NME6: variants seen among roughly 807,000 people sequenced by gnomAD.
NME6 encodes the protein NME/NM23 nucleoside diphosphate kinase 6, also known as nucleoside diphosphate kinase 6, mitochondrial.
Under a neutral mutation model 22.2 loss-of-function variants are expected in NME6, and 16 were observed. That is an observed-to-expected ratio of 0.72 (90% CI 0.49 to 1.09). The LOEUF (loss-of-function observed/expected upper bound fraction) is 1.09, where lower values mean the gene tolerates loss of function less well. NME6 is among the 50% of genes least tolerant of loss of function. The probability of loss-of-function intolerance (pLI) is 0.00; values close to 1 mark genes in which losing one functional copy is unlikely to be tolerated. For missense variants in NME6, 229 were observed against 239.0 expected (o/e 0.96, Z 0.28); for synonymous variants, 58 against 85.2 (o/e 0.68, Z 1.76).
At position 48,294,824 on chromosome 3, in the gene NME6, G is replaced by A. The variant is rs1175959451; in HGVS notation, c.395-21C>T. 3.7e-6 allele frequency: 6 copies of A among 1,608,810 alleles called. No individual in the cohort carries two copies. The African/African-American group carries it at 4.0e-5, about 11-fold the overall frequency. ...AGAGTCTGTAAGGGGAGATAAGACA[G>A]AGAAGGGGTTCTCACATGGTAGAAG... On this transcript the variant is annotated intron_variant, in intron 5 of 5. Transcript: ENST00000442597.
chr3:48,299,317 A>C (rs1313884940), intron 1 of NME6: 2 of 216,796 alleles, frequency 9.2e-6, no homozygotes, highest in East Asian at 9.5e-5. Context: ...GAAATGATAT[A>C]ATGGACATAA....
downstream of NME6, chr3:48,287,725 T>G (rs1482535273): frequency 6.6e-6 from 1 of 152,254 alleles, no homozygotes; most frequent in East Asian, 1.9e-4. Flanking sequence ...GACAGGATCT[T>G]CTGCACAGAT....
chr3:48,290,217 TTTTTA>T (rs1442719057), downstream of NME6, among the ~76,000 whole-genome samples: 2 of 151,768 alleles, frequency 1.3e-5, no homozygotes, highest in African/African-American at 4.8e-5. Flanking sequence ...TGTGCCACCA[TTTTTA>T]TTTTATTTTA....
In NME6 at chr3:48,293,704, T is replaced by C. The variant is rs1397482163; in HGVS notation, c.*933A>G. On this transcript the variant is annotated 3_prime_UTR_variant, in exon 6 of 6. Coordinates refer to ENST00000442597, the MANE Select transcript of NME6 (RefSeq NM_001308426.2). ...GCACTTCTCCATCTCTGCCACGTTA[T>C]AGCTGGCTGACCACCCAAATTCATA... is the stretch of plus-strand genomic sequence containing the variant. The C allele has an allele frequency of 6.6e-6, 1 of 152,276 alleles. No individual in the cohort carries two copies. Among genetic ancestry groups the C allele is most frequent in the Admixed American group, 6.5e-5 (1 of 15,284 alleles). 9.4% of individuals were successfully genotyped at this position (152,276 alleles called of 1,614,324 possible). A position where few individuals can be genotyped will look rare whatever the true frequency, so the allele number is the denominator to read the frequency against.
chr3:48,300,492 G>T, intron 1 of NME6: 1 of 379,424 alleles, frequency 2.6e-6, no homozygotes, highest in African/African-American at 2.1e-5. Flanking sequence ...GTTCCCTTCA[G>T]TTCCGTCTTC....
At position 48,298,606 on chromosome 3, in the gene NME6, CCAA is replaced by C. The variant is rs896291027; in HGVS notation, c.-7-86_-7-84del. On this transcript the variant is annotated intron_variant, in intron 1 of 5. Coordinates refer to ENST00000442597, the MANE Select transcript of NME6 (RefSeq NM_001308426.2). ...CATTGGAGCCACGCAGCCTTGCAAG[CCAA>C]CGAGTGCTCTCACTCCTGACACTCA... is the stretch of plus-strand genomic sequence containing the variant. 18 of 908,088 alleles carry C rather than the reference CCAA, an allele frequency of 2.0e-5. No homozygotes were observed. In the African/African-American group the frequency reaches 2.7e-4, roughly 13 times the overall value. 56.3% of individuals were successfully genotyped at this position (908,088 alleles called of 1,614,324 possible).
chr3:48,292,638 C>T lies in NME6; in HGVS notation c.*1999G>A, dbSNP rs2034619449. On this transcript the variant is annotated 3_prime_UTR_variant, in exon 6 of 6. Coordinates refer to ENST00000442597, the MANE Select transcript of NME6 (RefSeq NM_001308426.2). ...TGATCTTGGCTCACCACAACCTCCG[C>T]CTCCTGGGTTCAAGCGATTCTCCTG... 6.6e-6 allele frequency: 1 copy of T among 152,304 alleles called. No homozygotes were observed. Among genetic ancestry groups the T allele is most frequent in the Non-Finnish European group, 1.5e-5 (1 of 68,136 alleles). The allele number at this position is 152,304 out of a possible 1,614,324, so 9.4% of individuals were successfully genotyped here. A position where few individuals can be genotyped will look rare whatever the true frequency, so the allele number is the denominator to read the frequency against.
At position 48,294,575 on chromosome 3, in the gene NME6, A is replaced by C; in HGVS notation, c.*62T>G. Reference sequence around the variant, plus strand: ...GCCAGGCTTCCCTGGTCCTAGGAGAATGTTTTAGACTAGATGTCTAGGAGA... The same window carrying C: ...GCCAGGCTTCCCTGGTCCTAGGAGACTGTTTTAGACTAGATGTCTAGGAGA... On this transcript the variant is annotated 3_prime_UTR_variant, in exon 6 of 6. Transcript: ENST00000442597. 1 of 1,561,948 alleles carries C rather than the reference A, an allele frequency of 6.4e-7. No homozygotes were observed. The highest frequency in any genetic ancestry group is 8.8e-7 in the Non-Finnish European group (1 of 1,140,240).
intron 1 of NME6, chr3:48,298,919 T>C (rs2035416575): frequency 1.4e-6 from 1 of 702,456 alleles, no homozygotes; most frequent in African/African-American, 1.7e-5. Context: ...CTATTCATAA[T>C]GATGAATTCA....
In NME6 at chr3:48,299,024, A is replaced by C. The variant is rs773463501; in HGVS notation, c.-7-501T>G. ...CTGAGGTGCTACCAGGATACCAAAA[A>C]GTCTGCTGGATAAACACCATCTCTA... On this transcript the variant is annotated intron_variant, in intron 1 of 5. Transcript: ENST00000442597. 1.1e-5 allele frequency: 8 copies of C among 702,550 alleles called. No individual in the cohort carries two copies. In the South Asian group the frequency reaches 1.2e-4, roughly 10 times the overall value. 43.5% of individuals were successfully genotyped at this position (702,550 alleles called of 1,614,324 possible). A position where few individuals can be genotyped will look rare whatever the true frequency, so the allele number is the denominator to read the frequency against.
chr3:48,299,294 G>C, intron 1 of NME6: 1 of 263,404 alleles, frequency 3.8e-6, no homozygotes, highest in Non-Finnish European at 7.1e-6. Context: ...TGGTGTAAGA[G>C]CTCAATATTG....
At chr3:48,291,310 G>T, downstream of NME6, 1 of 464,764 alleles carries the variant, frequency 2.2e-6, no homozygotes, top group East Asian at 6.7e-5. Flanking sequence ...CTTTAAGCCT[G>T]TGATATCAGA....
At chr3:48,291,535 C>T (rs901321259), downstream of NME6, 1 of 178,724 alleles carries the variant, frequency 5.6e-6, no homozygotes, top group African/African-American at 2.4e-5. Context: ...TGCACCACCA[C>T]ACCCAGCTAA....
chr3:48,289,226 A>C (rs1575302834), downstream of NME6, among the ~76,000 whole-genome samples: 1 of 151,774 alleles, frequency 6.6e-6, no homozygotes, highest in Non-Finnish European at 1.5e-5. Context: ...CACCATGCCC[A>C]GTTAATTTTG....
Position 48,296,754 on chromosome 3 carries a change from A to C in NME6, c.166T>G (p.Cys56Gly), listed in dbSNP as rs1242031749. The change falls in exon 3 of 6, where the codon TGC (cysteine) becomes GGC (glycine). Residue 56 changes from cysteine (C) to glycine (G), a missense_variant. Physicochemically the swap from Cys to Gly is radical, Grantham distance 159 (BLOSUM62 -3). Coordinates refer to ENST00000442597, the MANE Select transcript of NME6 (RefSeq NM_001308426.2). Reference protein sequence around the residue: ...MRELLWRKEDCQRFYREHEGR... With the variant: ...MRELLWRKEDGQRFYREHEGR... ...TCATGCTCTCGGTAAAACCTCTGGC[A>C]ATCTTCCTTTCTCCACAGTAGTTCT... The C allele has an allele frequency of 6.2e-7, 1 of 1,613,660 alleles. No homozygotes were observed. The highest frequency in any genetic ancestry group is 1.3e-5 in the African/African-American group (1 of 75,004).
intron 1 of NME6, among the ~76,000 whole-genome samples, 179 bp from the exon 2 acceptor site, chr3:48,298,702 A>C (rs2035388754): frequency 6.6e-6 from 1 of 152,180 alleles, no homozygotes; most frequent in African/African-American, 2.4e-5. Flanking sequence ...GGCTCATGGG[A>C]TCAAGGGAGG....
At chr3:48,291,972 A>G (rs113852790), downstream of NME6, 661 of 152,372 alleles carry the variant, frequency 4.3e-3, 2 homozygotes, top group South Asian at 7.7e-3. Flanking sequence ...TCACCGTGTT[A>G]GCCAGGATGG....
chr3:48,299,697 C>A (rs995674801), intron 1 of NME6, among the ~76,000 whole-genome samples: 1 of 152,042 alleles, frequency 6.6e-6, no homozygotes. Flanking sequence ...TTATCTTATC[C>A]TAAAAACTGT....
In NME6 at chr3:48,292,878, T is replaced by A. The variant is rs1024020155; in HGVS notation, c.*1759A>T. 2 of 152,254 alleles carry A rather than the reference T, an allele frequency of 1.3e-5. No individual in the cohort carries two copies. The highest frequency in any genetic ancestry group is 2.9e-5 in the Non-Finnish European group (2 of 68,078). The allele number at this position is 152,254 out of a possible 1,614,324, so 9.4% of individuals were successfully genotyped here. ...AAGGATTTTTGTACAGCAAATGGCC[T>A]TAGAAGACAGAGATAGTATCTCCCT... On this transcript the variant is annotated 3_prime_UTR_variant, in exon 6 of 6. Coordinates refer to ENST00000442597, the MANE Select transcript of NME6 (RefSeq NM_001308426.2).
Sources: allele counts gnomAD v4.1 joint callset (sites outside exome capture counted in the v4.1 genomes callset), GRCh38; gene constraint gnomAD v4.1.1; transcripts MANE v1.5; gene names NCBI Gene and HGNC (gene_info 2026-07-23, HGNC 2026-07-21).